Variants in CLSTN2 observed in about 807,000 individuals in gnomAD.
CLSTN2 encodes calsyntenin-2.
A neutral mutation model predicts 101.2 loss-of-function variants in CLSTN2; 48 were observed. The ratio of observed to expected loss-of-function variants is 0.47; its 90% CI spans 0.38 to 0.60. The LOEUF (loss-of-function observed/expected upper bound fraction) is 0.60. Among genes scored for constraint, CLSTN2 ranks in the 20% least tolerant of loss-of-function variants. The pLI, the probability that CLSTN2 is intolerant of heterozygous loss-of-function variation, is 0.00. For synonymous variants in CLSTN2, 481 were observed against 463.6 expected (o/e 1.04, Z -0.48); for missense variants, 1,160 against 1,238.2 (o/e 0.94, Z 0.95).
chr3:140,187,647 T>C (rs1668401375), intron 2 of CLSTN2, among the ~76,000 whole-genome samples: 2 of 152,222 alleles, frequency 1.3e-5, no homozygotes, highest in Admixed American at 1.3e-4. Context: ...CTGCTGATTC[T>C]GACCTCTGCC....
chr3:140,267,273 G>A (rs966204502), intron 2 of CLSTN2, among the ~76,000 whole-genome samples: 9 of 152,198 alleles, frequency 5.9e-5, no homozygotes, highest in Non-Finnish European at 1.0e-4. Context: ...AAAGCAGAAT[G>A]AGGAGAATGC....
chr3:140,401,942 T>C (rs1406552926), intron 2 of CLSTN2, among the ~76,000 whole-genome samples: 1 of 152,196 alleles, frequency 6.6e-6, no homozygotes, highest in East Asian at 1.9e-4. Context: ...GAATGGGAAC[T>C]AGCCTTCTTA....
intron 9 of CLSTN2, among the ~76,000 whole-genome samples, chr3:140,542,641 T>C (rs897963904): frequency 6.6e-6 from 1 of 152,198 alleles, no homozygotes; most frequent in African/African-American, 2.4e-5. Flanking sequence ...TGAAAAATGC[T>C]CATTGAATCA....
At chr3:140,110,434 G>T (rs1413063503) in intron 1 of CLSTN2, among the ~76,000 whole-genome samples, 1 of 152,222 alleles carries the variant, frequency 6.6e-6, no homozygotes, top group Admixed American at 6.5e-5. Flanking sequence ...GGGGCATCGT[G>T]TTATTGAATA....
intron 9 of CLSTN2, among the ~76,000 whole-genome samples, chr3:140,537,652 G>A (rs1451650260): frequency 6.6e-6 from 1 of 152,202 alleles, no homozygotes; most frequent in Non-Finnish European, 1.5e-5. Flanking sequence ...CCTGGCTTTA[G>A]ACAAATACCA....
chr3:140,054,751 A>G (rs1200649353), intron 1 of CLSTN2, among the ~76,000 whole-genome samples: 2 of 152,236 alleles, frequency 1.3e-5, no homozygotes, highest in Non-Finnish European at 1.5e-5. Context: ...GGTCAACCAG[A>G]GTCTGTTGAC....
chr3:140,252,452 A>G (rs1289747055), intron 2 of CLSTN2, among the ~76,000 whole-genome samples: 1 of 152,190 alleles, frequency 6.6e-6, no homozygotes, highest in African/African-American at 2.4e-5. Flanking sequence ...ATCTAAGCCT[A>G]CTGAATCAGA....
intron 2 of CLSTN2, among the ~76,000 whole-genome samples, chr3:140,248,700 G>A (rs762049610): frequency 6.6e-6 from 1 of 152,172 alleles, no homozygotes; most frequent in Non-Finnish European, 1.5e-5. Context: ...CAGGATCACT[G>A]CATGAATGAA....
At chr3:140,127,456 C>T (rs1368728595) in intron 1 of CLSTN2, among the ~76,000 whole-genome samples, 1 of 152,166 alleles carries the variant, frequency 6.6e-6, no homozygotes, top group African/African-American at 2.4e-5. Flanking sequence ...CTGCAGCCTA[C>T]CTTCTGGATC....
chr3:139,975,956 A>G (rs964871271), intron 1 of CLSTN2, among the ~76,000 whole-genome samples: 1 of 152,244 alleles, frequency 6.6e-6, no homozygotes, highest in Non-Finnish European at 1.5e-5. Context: ...GGCAGGTACT[A>G]GTACAGAGAG....
intron 1 of CLSTN2, among the ~76,000 whole-genome samples, chr3:140,095,655 T>C (rs1421847825): frequency 6.6e-6 from 1 of 152,196 alleles, no homozygotes; most frequent in Non-Finnish European, 1.5e-5. Context: ...ATAAAGTGTA[T>C]GGAGACTTTT....
chr3:140,068,763 C>A (rs761854379), intron 1 of CLSTN2, among the ~76,000 whole-genome samples: 1 of 152,184 alleles, frequency 6.6e-6, no homozygotes, highest in Non-Finnish European at 1.5e-5. Flanking sequence ...GAATAGGAAA[C>A]TATCATTCAT....
intron 2 of CLSTN2, among the ~76,000 whole-genome samples, chr3:140,283,947 T>G (rs2086871809): frequency 6.6e-6 from 1 of 152,184 alleles, no homozygotes; most frequent in African/African-American, 2.4e-5. Flanking sequence ...GTGAGTTACT[T>G]TGCTCTAATT....
chr3:140,438,857 T>C (rs1270725817), intron 5 of CLSTN2, among the ~76,000 whole-genome samples: 2 of 152,130 alleles, frequency 1.3e-5, no homozygotes, highest in African/African-American at 4.8e-5. Context: ...GTGTTTCTGT[T>C]TGGGAGCTGA....
chr3:140,024,647 A>G (rs2007382005), intron 1 of CLSTN2, among the ~76,000 whole-genome samples: 1 of 152,154 alleles, frequency 6.6e-6, no homozygotes, highest in Admixed American at 6.5e-5. Context: ...GCTGGTTGTC[A>G]GAACAGGACT....
intron 2 of CLSTN2, among the ~76,000 whole-genome samples, chr3:140,350,880 C>G (rs1261047263): frequency 6.6e-6 from 1 of 152,052 alleles, no homozygotes; most frequent in Non-Finnish European, 1.5e-5. Flanking sequence ...TTCACAAAAC[C>G]CTGGACTCAA....
intron 8 of CLSTN2, among the ~76,000 whole-genome samples, chr3:140,518,639 G>A (rs959012249): frequency 6.6e-6 from 1 of 152,148 alleles, no homozygotes; most frequent in South Asian, 2.1e-4. Context: ...TTTACACTTT[G>A]GGAAATCACA....
chr3:140,451,255 TG>T (rs1279040264), intron 6 of CLSTN2, among the ~76,000 whole-genome samples: 1 of 152,092 alleles, frequency 6.6e-6, no homozygotes, highest in African/African-American at 2.4e-5. Context: ...TGGGGAGAGA[TG>T]GGGAGATATG....
chr3:140,083,714 C>T (rs1372236588), intron 1 of CLSTN2, among the ~76,000 whole-genome samples: 2 of 152,202 alleles, frequency 1.3e-5, no homozygotes, highest in Non-Finnish European at 2.9e-5. Flanking sequence ...CATCCACTGG[C>T]TTTTATCCCA....
Sources: allele counts gnomAD v4.1 joint callset (sites outside exome capture counted in the v4.1 genomes callset), GRCh38; gene constraint gnomAD v4.1.1; transcripts MANE v1.5; gene names NCBI Gene and HGNC (gene_info 2026-07-23, HGNC 2026-07-21).